Variants in NOP56 observed in about 807,000 individuals in gnomAD.
The protein encoded by NOP56 is NOP56 ribonucleoprotein.
A neutral mutation model predicts 58.3 loss-of-function variants in NOP56; 31 were observed. The observed-to-expected ratio is 0.53, with a 90% confidence interval of 0.40 to 0.72. NOP56 has a LOEUF of 0.72. Ranked by LOEUF, NOP56 falls within the 30% of genes least tolerant of loss-of-function variation. The pLI is 0.00. For synonymous variants in NOP56, 313 were observed against 282.8 expected (o/e 1.11, Z -1.07); for missense variants, 669 against 739.9 (o/e 0.90, Z 1.11).
chr20:2,652,914 A>G lies in NOP56; in HGVS notation c.76A>G (p.Ser26Gly). 1 of 1,605,298 alleles carries G rather than the reference A, an allele frequency of 6.2e-7. No individual in the cohort carries two copies. Among genetic ancestry groups the G allele is most frequent in the Non-Finnish European group, 8.5e-7 (1 of 1,175,550 alleles). Reference protein sequence around the residue: ...LLALKEVEEISLLQPQVEESV... With the variant: ...LLALKEVEEIGLLQPQVEESV... ...GGCGCTGAAGGAAGTGGAGGAGATCAGTCTGCTGCAGCCGCAGGTGGGTGA... is the reference window on the plus strand; with the variant it reads ...GGCGCTGAAGGAAGTGGAGGAGATCGGTCTGCTGCAGCCGCAGGTGGGTGA... Residue 26 changes from serine (S) to glycine (G), a missense_variant, in exon 2 of 12, where the codon AGT becomes GGT. This residue lies in a region of NOP56 where 121 missense variants were observed against 113.1 expected (regional missense o/e 1.07). Transcript: ENST00000329276.
In NOP56 at chr20:2,654,591, G is replaced by A. The variant is rs764229669; in HGVS notation, c.370+16G>A. ...ATCCTGCGAGGTGAGACCATCATCT[G>A]TTATATTCCTGTTATCCTGGACATT... On this transcript the variant is annotated intron_variant, in intron 4 of 11. Transcript: ENST00000329276. The A allele has an allele frequency of 6.2e-7, 1 of 1,613,580 alleles. No individual in the cohort carries two copies. The highest frequency in any genetic ancestry group is 8.5e-7 in the Non-Finnish European group (1 of 1,179,524).
Position 2,653,166 on chromosome 20 carries a change from G to A in NOP56, c.94-113G>A, listed in dbSNP as rs886739707. The A allele has an allele frequency of 2.4e-5, 22 of 903,624 alleles. No homozygotes were observed. The Admixed American group carries it at 3.2e-4, about 13-fold the overall frequency. The allele number at this position is 903,624 out of a possible 1,614,324, so 56.0% of individuals were successfully genotyped here. A position where few individuals can be genotyped will look rare whatever the true frequency, so the allele number is the denominator to read the frequency against. Reference sequence around the variant, plus strand: ...CGATTAAAGCAGAAGCTGGGATGTGGGGCCCAGGTATCAGCATATTTTAAG... The same window carrying A: ...CGATTAAAGCAGAAGCTGGGATGTGAGGCCCAGGTATCAGCATATTTTAAG... On this transcript the variant is annotated intron_variant, in intron 2 of 11. Coordinates refer to ENST00000329276, the MANE Select transcript of NOP56 (RefSeq NM_006392.4).
chr20:2,658,240 C>T lies in NOP56; in HGVS notation c.1731C>T (p.Gly577=). 5 of 1,599,094 alleles carry T rather than the reference C, an allele frequency of 3.1e-6. No homozygotes were observed. Among genetic ancestry groups the T allele is most frequent in the Non-Finnish European group, 4.3e-6 (5 of 1,172,710 alleles). Residue 577 remains glycine, a synonymous_variant, in exon 12 of 12, where the codon GGC becomes GGT. Coordinates refer to ENST00000329276, the MANE Select transcript of NOP56 (RefSeq NM_006392.4). Reference sequence around the variant, plus strand: ...GCAGTGGGCCTGAAGAGGCGGTTGGCAAGAGCAGCTCCAAGAAGAAGAAAA... The same window carrying T: ...GCAGTGGGCCTGAAGAGGCGGTTGGTAAGAGCAGCTCCAAGAAGAAGAAAA... ...PVSSGPEEAV[G]KSSSKKKKKF... is the part of the protein sequence containing the mutation.
At position 2,658,019 on chromosome 20, in the gene NOP56, T is replaced by A. The variant is rs200939502; in HGVS notation, c.1510T>A (p.Ser504Thr). 4 of 1,613,256 alleles carry A rather than the reference T, an allele frequency of 2.5e-6. No homozygotes were observed. In the East Asian group the frequency reaches 6.7e-5, roughly 27 times the overall value. The change falls in exon 12 of 12, where the codon TCC becomes ACC. Residue 504 changes from serine to threonine, a missense_variant. By Grantham distance (58) the Ser-to-Thr change is moderately conservative. Around this residue, in one of 3 missense-constraint regions of NOP56, gnomAD observed 209 missense variants for 196.2 expected, o/e 1.07. Coordinates refer to ENST00000329276, the MANE Select transcript of NOP56 (RefSeq NM_006392.4). ...AATGGAAGACCCATCTATCTCTTTC[T>A]CCAAACCCAAGAAAAAGAAATCTTT... The part of the protein sequence containing the change: ...NGMEDPSISF[S>T]KPKKKKSFSK...
intron 3 of NOP56, chr20:2,653,842 AC>A (rs2086782244): frequency 3.8e-6 from 1 of 264,344 alleles, no homozygotes; most frequent in Non-Finnish European, 7.6e-6. Flanking sequence ...TTTGGTAGAG[AC>A]GGGGTTTCAC....
chr20:2,656,392 TTC>T lies in NOP56; in HGVS notation c.1011-4_1011-3del, dbSNP rs752104015. 12 of 1,613,968 alleles carry T rather than the reference TTC, an allele frequency of 7.4e-6. No homozygotes were observed. Among genetic ancestry groups the T allele is most frequent in the African/African-American group, 6.7e-5 (5 of 74,912 alleles). On this transcript the variant is annotated splice_region_variant and splice_polypyrimidine_tract_variant and intron_variant, in intron 8 of 11. Transcript: ENST00000329276. ...CTGATCTTAAACTCTCCACTGAATATTCTCTCAGAGCCCTGAAGACAAGGGGT... is the reference window on the plus strand; with the variant it reads ...CTGATCTTAAACTCTCCACTGAATATTCTCAGAGCCCTGAAGACAAGGGGT...
rs752621467 is a variant in NOP56, at chr20:2,652,750, T to TGGGCCC, written c.4-87_4-86insCGGGCC. 2.4e-5 allele frequency: 36 copies of TGGGCCC among 1,531,208 alleles called. No individual in the cohort carries two copies. The South Asian group carries it at 2.5e-4, about 11-fold the overall frequency. The allele number at this position is 1,531,208 out of a possible 1,614,324, so 94.9% of individuals were successfully genotyped here. On this transcript the variant is annotated intron_variant, in intron 1 of 11. Transcript: ENST00000329276. ...CGCAGACAGGGCCTGGGCCTGGGCC[T>TGGGCCC]GGGCCTGCGCCTGCGCCTGCGCCTG...
chr20:2,654,836 C>T lies in NOP56; in HGVS notation c.458C>T (p.Ser153Phe). 2 of 1,614,070 alleles carry T rather than the reference C, an allele frequency of 1.2e-6. No homozygotes were observed. Among genetic ancestry groups the T allele is most frequent in the Non-Finnish European group, 8.5e-7 (1 of 1,180,020 alleles). Residue 153 changes from serine (S) to phenylalanine (F), a missense_variant, in exon 5 of 12, where the codon TCC becomes TTC. By Grantham distance (155) the Ser-to-Phe change is radical (BLOSUM62 -2). This residue lies in a region of NOP56 where 339 missense variants were observed against 430.5 expected (regional missense o/e 0.79). Coordinates refer to ENST00000329276, the MANE Select transcript of NOP56 (RefSeq NM_006392.4). ...CAGCTGGGGCTGGGACACAGCTATT[C>T]CCGTGCCAAAGTTAAGTTTAATGTG... ...KAQLGLGHSY[S>F]RAKVKFNVNR... is the part of the protein sequence containing the mutation.
chr20:2,654,502 G>T lies in NOP56; in HGVS notation c.297G>T (p.Lys99Asn), dbSNP rs142063161. 4 of 1,614,128 alleles carry T rather than the reference G, an allele frequency of 2.5e-6. No homozygotes were observed. Among genetic ancestry groups the T allele is most frequent in the Middle Eastern group, 1.6e-4 (1 of 6,084 alleles). ...TACTCTTGGGAGTTGGGGATCCCAA[G>T]ATTGGTGCCGCAATACAGGAGGAGT... is the stretch of plus-strand genomic sequence containing the variant. ...KKVLLGVGDP[K>N]IGAAIQEELG... is the part of the protein sequence containing the mutation. Residue 99 changes from lysine (K) to asparagine (N), a missense_variant, in exon 4 of 12, where the codon AAG becomes AAT. Around this residue, in one of 3 missense-constraint regions of NOP56, gnomAD observed 339 missense variants for 430.5 expected, o/e 0.79. Coordinates refer to ENST00000329276, the MANE Select transcript of NOP56 (RefSeq NM_006392.4).
In NOP56 at chr20:2,655,349, G is replaced by A. The variant is rs200115137; in HGVS notation, c.594G>A (p.Pro198=). 43 of 1,614,046 alleles carry A rather than the reference G, an allele frequency of 2.7e-5. No individual in the cohort carries two copies. Among genetic ancestry groups the A allele is most frequent in the South Asian group, 2.1e-4 (19 of 91,080 alleles). ...RVREWYGYHF[P]ELVKIINDNA... is the part of the protein sequence containing the mutation. The stretch of plus-strand genomic sequence containing the variant: ...GGGAGTGGTACGGGTATCACTTTCC[G>A]GAGCTGGTGAAGATCATCAACGACA... The change falls in exon 6 of 12, where the codon CCG becomes CCA. Residue 198 remains proline (P), a synonymous_variant. Coordinates refer to ENST00000329276, the MANE Select transcript of NOP56 (RefSeq NM_006392.4).
rs1256672357 is a variant in NOP56, at chr20:2,658,060, G to A, written c.1551G>A (p.Leu517=). Residue 517 remains leucine, a synonymous_variant, in exon 12 of 12, where the codon TTG becomes TTA. Transcript: ENST00000329276. ...AGAAATCTTTTTCCAAGGAGGAGTT[G>A]ATGAGTAGCGATCTTGAAGAGACCG... ...KKKKSFSKEE[L]MSSDLEETAG... The A allele has an allele frequency of 2.4e-5, 39 of 1,613,782 alleles. No individual in the cohort carries two copies. Among genetic ancestry groups the A allele is most frequent in the Non-Finnish European group, 4.2e-6 (5 of 1,179,800 alleles).
chr20:2,654,611 G>T, intron 4 of NOP56, 36 bp downstream of exon 4: 1 of 1,610,970 alleles, frequency 6.2e-7, no homozygotes, highest in Non-Finnish European at 8.5e-7. Flanking sequence ...TGTTATCCTG[G>T]ACATTTTGGG....
In NOP56 at chr20:2,656,731, T is replaced by C. The variant is rs1390632127; in HGVS notation, c.1160-43T>C. On this transcript the variant is annotated intron_variant, in intron 9 of 11. Transcript: ENST00000329276. ...GAGGGAACACAGGGTTGGGGTAGTT[T>C]CTCTCTTTGGGCTGACAGGCTTTGT... 4.3e-6 allele frequency: 7 copies of C among 1,614,048 alleles called. No homozygotes were observed. In the East Asian group the frequency reaches 6.7e-5, roughly 15 times the overall value.
chr20:2,652,721 G>T, intron 1 of NOP56, 58 bp downstream of exon 1: 2 of 1,503,474 alleles, frequency 1.3e-6, no homozygotes, highest in South Asian at 1.3e-5. Context: ...GCCTGCGTTC[G>T]GGCCGCAGAC....
At position 2,652,826 on chromosome 20, in the gene NOP56, C is replaced by A; in HGVS notation, c.4-16C>A. 2 of 1,606,848 alleles carry A rather than the reference C, an allele frequency of 1.2e-6. No individual in the cohort carries two copies. The highest frequency in any genetic ancestry group is 1.7e-6 in the Non-Finnish European group (2 of 1,177,450). On this transcript the variant is annotated splice_polypyrimidine_tract_variant and intron_variant, in intron 1 of 11. Transcript: ENST00000329276. ...CTGAGGTTGCGTTGACGCTCGCGCC[C>A]CGGCTCCCGTTCCAGGTGCTGTTGC... is the stretch of plus-strand genomic sequence containing the variant.
At position 2,654,798 on chromosome 20, in the gene NOP56, A is replaced by G; in HGVS notation, c.420A>G (p.Ser140=). 3.1e-6 allele frequency: 5 copies of G among 1,614,198 alleles called. No homozygotes were observed. Among genetic ancestry groups the G allele is most frequent in the Non-Finnish European group, 4.2e-6 (5 of 1,180,040 alleles). ...HNLVKGLTDL[S]ACKAQLGLGH... ...TGGTGAAGGGTCTGACCGATCTGTC[A>G]GCTTGTAAAGCACAGCTGGGGCTGG... is the stretch of plus-strand genomic sequence containing the variant. The change falls in exon 5 of 12, where the codon TCA becomes TCG. Residue 140 remains serine (S), a synonymous_variant. Coordinates refer to ENST00000329276, the MANE Select transcript of NOP56 (RefSeq NM_006392.4).
chr20:2,654,290 C>G, intron 3 of NOP56, 124 bp from the exon 4 acceptor site: 1 of 968,062 alleles, frequency 1.0e-6, no homozygotes, highest in South Asian at 1.3e-5. Context: ...TGAGCAATGC[C>G]TGATGGGGAG....
intron 2 of NOP56, 87 bp from the exon 3 acceptor site, chr20:2,653,192 A>G (rs2086773103): frequency 9.1e-7 from 1 of 1,098,750 alleles, no homozygotes; most frequent in Non-Finnish European, 1.4e-6. Flanking sequence ...ATATTTTAAG[A>G]GCTTCCAAGG....
chr20:2,657,465 C>A, intron 11 of NOP56: 1 of 699,440 alleles, frequency 1.4e-6, no homozygotes, highest in Non-Finnish European at 2.6e-6. Context: ...TCCTCGGCTG[C>A]CTCCCAGGAG....
Sources: gnomAD v4.1 joint callset for allele counts on GRCh38, gnomAD v4.1.1 for gene constraint, gnomAD v4.1.1 regional missense constraint, MANE v1.5 for transcripts, NCBI Gene and HGNC (gene_info 2026-07-23, HGNC 2026-07-21) for gene names.